The following CSMD1 variants were observed in gnomAD, a reference collection of about 807,000 sequenced individuals.
CSMD1 encodes CUB and sushi domain-containing protein 1.
A neutral mutation model predicts 417.5 loss-of-function variants in CSMD1; 213 were observed. The observed-to-expected ratio is 0.51, with a 90% CI of 0.46 to 0.57. The LOEUF is 0.57. CSMD1 is among the 20% of genes least tolerant of loss of function. The pLI, the probability that CSMD1 is intolerant of heterozygous loss-of-function variation, is 0.00. For missense variants in CSMD1, 6,923 were observed against 4,529.7 expected, an observed-to-expected ratio of 1.53 and a Z score of -15.17; for synonymous variants, 2,862 against 1,736.8, an observed-to-expected ratio of 1.65 and a Z score of -16.11.
At chr8:3,775,349 C>A (rs1424315452) in intron 5 of CSMD1, among the ~76,000 whole-genome samples, 1 of 152,160 alleles carries the variant, frequency 6.6e-6, no homozygotes, top group South Asian at 2.1e-4. Context: ...GCCTTCACCT[C>A]TGAACCATCT....
chr8:3,586,184 C>G lies in CSMD1; in HGVS notation c.1174G>C (p.Val392Leu), dbSNP rs914350005. ...CTCCAAGCAGCGAGCGTCTCTGTAA[C>G]TCTCTGACAGGTGATGCTTTTAGAT... ...QGSKSITCQR[V>L]TETLAAWSDH... Residue 392 changes from valine (V) to leucine (L), a missense_variant, in exon 9 of 70, where the codon GTT becomes CTT. Coordinates refer to ENST00000635120, the MANE Select transcript of CSMD1 (RefSeq NM_033225.6). The G allele has an allele frequency of 6.2e-7, 1 of 1,612,786 alleles. No homozygotes were observed. Among genetic ancestry groups the G allele is most frequent in the Non-Finnish European group, 8.5e-7 (1 of 1,179,436 alleles).
chr8:4,391,383 G>A (rs1456543531), intron 3 of CSMD1, among the ~76,000 whole-genome samples: 3 of 152,134 alleles, frequency 2.0e-5, no homozygotes, highest in African/African-American at 7.2e-5. Context: ...TGCAGAAAAA[G>A]TGATGTAAGA....
chr8:3,607,452 G>C (rs1054657202), intron 8 of CSMD1, among the ~76,000 whole-genome samples: 2 of 152,188 alleles, frequency 1.3e-5, no homozygotes, highest in Admixed American at 6.5e-5. Context: ...GAACTACTAA[G>C]ACAGTCATTG....
chr8:3,962,613 G>C (rs184055512), intron 5 of CSMD1, among the ~76,000 whole-genome samples: 1 of 152,252 alleles, frequency 6.6e-6, no homozygotes, highest in East Asian at 1.9e-4. Context: ...GAAAGGAGAG[G>C]ATCATTGGCT....
intron 11 of CSMD1, among the ~76,000 whole-genome samples, chr8:3,470,395 A>C (rs1249397703): frequency 6.6e-6 from 1 of 152,330 alleles, no homozygotes; most frequent in East Asian, 1.9e-4. Flanking sequence ...GGTAGTACAA[A>C]ATAATATAAA....
At chr8:4,296,229 T>G (rs1341860971) in intron 3 of CSMD1, among the ~76,000 whole-genome samples, 1 of 152,090 alleles carries the variant, frequency 6.6e-6, no homozygotes, top group East Asian at 1.9e-4. Flanking sequence ...CTTAAAACCT[T>G]GATCAGTGAT....
chr8:4,309,774 A>G (rs1297246214), intron 3 of CSMD1, among the ~76,000 whole-genome samples: 1 of 152,196 alleles, frequency 6.6e-6, no homozygotes, highest in Non-Finnish European at 1.5e-5. Context: ...TACTAGATCA[A>G]TGAAGCATAG....
At chr8:3,432,821 G>A (rs532424608) in intron 12 of CSMD1, among the ~76,000 whole-genome samples, 50 of 152,164 alleles carry the variant, frequency 3.3e-4, no homozygotes, top group Middle Eastern at 3.4e-3. Context: ...GCCAACATGG[G>A]CTTATTTTTA....
At chr8:3,579,832 G>C (rs1292173483) in intron 9 of CSMD1, among the ~76,000 whole-genome samples, 1 of 152,220 alleles carries the variant, frequency 6.6e-6, no homozygotes, top group African/African-American at 2.4e-5. Flanking sequence ...AGGCCAGTGT[G>C]GTGGCTCACG....
Position 3,108,721 on chromosome 8 carries a change from C to G in CSMD1, c.6636G>C (p.Gln2212His), listed in dbSNP as rs558670508. ...CTGTGTTGCCACTGAAAACTCCCAG[C>G]TGGGGTGAGTTCTGATCGGGACCGT... ...VWDGPDQNSP[Q>H]LGVFSGNTAL... is the part of the protein sequence containing the mutation. Residue 2212 changes from glutamine (Q) to histidine (H), a missense_variant, in exon 44 of 70, where the codon CAG (glutamine) becomes CAC (histidine). Gln to His is a conservative substitution (Grantham distance 24). Transcript: ENST00000635120. 6.2e-6 allele frequency: 10 copies of G among 1,613,442 alleles called. No individual in the cohort carries two copies. Among genetic ancestry groups the G allele is most frequent in the Non-Finnish European group, 7.6e-6 (9 of 1,179,650 alleles).
At chr8:4,786,736 T>C (rs1325917983) in intron 1 of CSMD1, among the ~76,000 whole-genome samples, 2 of 152,078 alleles carry the variant, frequency 1.3e-5, no homozygotes, top group African/African-American at 4.8e-5. Flanking sequence ...TCCATTATCT[T>C]TATTTTTTTT....
chr8:4,147,719 A>G (rs555004690), intron 3 of CSMD1, among the ~76,000 whole-genome samples: 1 of 152,248 alleles, frequency 6.6e-6, no homozygotes, highest in African/African-American at 2.4e-5. Context: ...TCAGATGCAG[A>G]CACTGAAGCT....
At chr8:3,867,969 C>A (rs556373864) in intron 5 of CSMD1, among the ~76,000 whole-genome samples, 76 of 152,224 alleles carry the variant, frequency 5.0e-4, no homozygotes, top group African/African-American at 1.8e-3. Context: ...GTGTTTATGT[C>A]ACTGTGGGAG....
intron 1 of CSMD1, among the ~76,000 whole-genome samples, chr8:4,973,264 G>A (rs1290142037): frequency 1.3e-5 from 2 of 152,086 alleles, no homozygotes; most frequent in Non-Finnish European, 2.9e-5. Context: ...TTGAGGGCAG[G>A]GACTTTATCT....
intron 2 of CSMD1, among the ~76,000 whole-genome samples, chr8:4,568,930 T>A (rs1040266589): frequency 6.6e-6 from 1 of 152,222 alleles, no homozygotes; most frequent in Admixed American, 6.5e-5. Context: ...TTTTGAGAAG[T>A]GTCTGTTCAT....
rs532161887 is a variant in CSMD1 at position 3,425,122 on chromosome 8, A to G, written c.1562-15517T>C. Among the ~76,000 whole-genome samples, 14 of 152,206 alleles carry G rather than the reference A, an allele frequency of 9.2e-5. No homozygotes were observed. The South Asian group carries it at 1.7e-3, about 18-fold the overall frequency. ...CCCAAAGCGCCACCATGCTTGTCCT[A>G]TTTTATCATTAGTCATTGTTGTGAA... On this transcript the variant is annotated intron_variant, in intron 12 of 69. Coordinates refer to ENST00000635120, the MANE Select transcript of CSMD1 (RefSeq NM_033225.6).
intron 1 of CSMD1, among the ~76,000 whole-genome samples, chr8:4,733,980 T>C (rs989318099): frequency 6.6e-6 from 1 of 152,202 alleles, no homozygotes; most frequent in African/African-American, 2.4e-5. Context: ...CCTATGCATG[T>C]GAAGTGAAGA....
chr8:4,609,450 T>C (rs977878470), intron 2 of CSMD1, among the ~76,000 whole-genome samples: 2 of 152,138 alleles, frequency 1.3e-5, no homozygotes, highest in Admixed American at 1.3e-4. Flanking sequence ...CATTCCTAGC[T>C]GGGGTATTTT....
intron 21 of CSMD1, among the ~76,000 whole-genome samples, chr8:3,353,496 A>T (rs1808548758): frequency 6.6e-6 from 1 of 152,176 alleles, no homozygotes; most frequent in African/African-American, 2.4e-5. Context: ...ACAACATGAT[A>T]TTCAAATGAA....
Sources: allele counts gnomAD v4.1 joint callset (sites outside exome capture counted in the v4.1 genomes callset), GRCh38; gene constraint gnomAD v4.1.1; transcripts MANE v1.5; gene names NCBI Gene and HGNC (gene_info 2026-07-23, HGNC 2026-07-21).